Variants in PTPRQ observed in about 807,000 individuals in gnomAD.
The protein encoded by PTPRQ is protein tyrosine phosphatase receptor type Q, also known as phosphatidylinositol phosphatase PTPRQ.
Under a neutral mutation model 246.0 loss-of-function variants are expected in PTPRQ, and 199 were observed. That is an observed-to-expected ratio of 0.81 (90% confidence interval 0.72 to 0.91). The LOEUF (loss-of-function observed/expected upper bound fraction) is 0.91, where lower values mean the gene tolerates loss of function less well. Ranked by LOEUF, PTPRQ falls within the 40% of genes least tolerant of loss-of-function variation. The pLI is 0.00. For synonymous variants in PTPRQ, 869 were observed against 853.2 expected (o/e 1.02, Z -0.32); for missense variants, 2,624 against 2,528.4 (o/e 1.04, Z -0.81).
At chr12:80,607,664 A>G (rs1898377918) in intron 27 of PTPRQ, among the ~76,000 whole-genome samples, 1 of 150,950 alleles carries the variant, frequency 6.6e-6, no homozygotes, top group Non-Finnish European at 1.5e-5. Flanking sequence ...GGAAGAATAC[A>G]TAGCATTGCA....
chr12:80,540,153 A>T (rs372223151), intron 20 of PTPRQ, among the ~76,000 whole-genome samples: 1 of 152,168 alleles, frequency 6.6e-6, no homozygotes, highest in African/African-American at 2.4e-5. Flanking sequence ...GTTCATGAAA[A>T]TTCTGTTCTT....
intron 3 of PTPRQ, among the ~76,000 whole-genome samples, chr12:80,447,942 A>G (rs929059881): frequency 6.6e-6 from 1 of 151,254 alleles, no homozygotes; most frequent in Non-Finnish European, 1.5e-5. Context: ...GAAAAATTAC[A>G]TTGCTAATTT....
At chr12:80,454,820 G>A (rs770799272) in intron 3 of PTPRQ, among the ~76,000 whole-genome samples, 9 of 152,112 alleles carry the variant, frequency 5.9e-5, no homozygotes, top group South Asian at 2.1e-4. Context: ...TTATAAAGGC[G>A]AAATTATTTA....
chr12:80,672,862 T>G (rs997761024), intron 42 of PTPRQ, among the ~76,000 whole-genome samples: 1 of 151,682 alleles, frequency 6.6e-6, no homozygotes, highest in African/African-American at 2.4e-5. Flanking sequence ...GAATTTTCAA[T>G]GATTTTAAAA....
intron 30 of PTPRQ, among the ~76,000 whole-genome samples, chr12:80,617,202 G>T (rs1286119823): frequency 6.6e-6 from 1 of 150,974 alleles, no homozygotes; most frequent in African/African-American, 2.4e-5. Flanking sequence ...CCTGAAAAAT[G>T]GAGATAATAC....
intron 8 of PTPRQ, among the ~76,000 whole-genome samples, chr12:80,482,397 T>C (rs1391526023): frequency 6.6e-6 from 1 of 152,222 alleles, no homozygotes; most frequent in African/African-American, 2.4e-5. Context: ...AAGACTTAAA[T>C]GTCAGACCTA....
At chr12:80,649,495 T>C in intron 36 of PTPRQ, 93 bp from the exon 37 acceptor site, 5 of 1,452,976 alleles carry the variant, frequency 3.4e-6, no homozygotes, top group Non-Finnish European at 3.6e-6. Flanking sequence ...TGTCCATTGT[T>C]CTTTAACTTG....
At chr12:80,658,365 G>T (rs1364617819) in intron 39 of PTPRQ, among the ~76,000 whole-genome samples, 2 of 151,958 alleles carry the variant, frequency 1.3e-5, no homozygotes, top group Non-Finnish European at 2.9e-5. Flanking sequence ...ATGCAATGAA[G>T]TTTGCCAATC....
intron 6 of PTPRQ, among the ~76,000 whole-genome samples, chr12:80,468,498 T>C (rs1476396561): frequency 1.3e-5 from 2 of 152,174 alleles, no homozygotes; most frequent in Admixed American, 1.3e-4. Context: ...AAATCAGTAA[T>C]TGTTAAAAAT....
At chr12:80,490,669 C>G (rs74110910) in intron 9 of PTPRQ, among the ~76,000 whole-genome samples, 1 of 151,806 alleles carries the variant, frequency 6.6e-6, no homozygotes, top group Non-Finnish European at 1.5e-5. Flanking sequence ...GGACAGCCTC[C>G]GCAACAGAAA....
chr12:80,486,977 G>A (rs1894297442), intron 9 of PTPRQ, among the ~76,000 whole-genome samples: 1 of 152,102 alleles, frequency 6.6e-6, no homozygotes, highest in East Asian at 1.9e-4. Flanking sequence ...AAAAATGAAA[G>A]TTCAAAAAGC....
intron 26 of PTPRQ, 103 bp downstream of exon 26, chr12:80,588,555 C>A (rs1897692924): frequency 8.2e-7 from 1 of 1,217,488 alleles, no homozygotes; most frequent in Non-Finnish European, 1.0e-6. Flanking sequence ...AATCACTGAA[C>A]ATAGAAATAA....
At position 80,472,315 on chromosome 12, in the gene PTPRQ, A is replaced by T. The variant is rs189988624; in HGVS notation, c.1186+64A>T. 1.7e-4 allele frequency: 255 copies of T among 1,523,546 alleles called. 1 individual carries two copies. The East Asian group carries it at 6.1e-3, about 36-fold the overall frequency. 94.4% of individuals were successfully genotyped at this position (1,523,546 alleles called of 1,614,324 possible). A position where few individuals can be genotyped will look rare whatever the true frequency, so the allele number is the denominator to read the frequency against. The stretch of plus-strand genomic sequence containing the variant: ...CTTATGAACTTCATGAATTGGTAAA[A>T]CATGATATTAGAAGCAATTTGTTTT... On this transcript the variant is annotated intron_variant, in intron 8 of 44. Coordinates refer to ENST00000644991, the MANE Select transcript of PTPRQ (RefSeq NM_001145026.2).
intron 9 of PTPRQ, among the ~76,000 whole-genome samples, chr12:80,488,954 A>G (rs1165284616): frequency 6.6e-6 from 1 of 152,080 alleles, no homozygotes; most frequent in Non-Finnish European, 1.5e-5. Context: ...TATCTGATCT[A>G]TAACATTCCT....
chr12:80,447,443 T>C (rs1385352870), intron 3 of PTPRQ, among the ~76,000 whole-genome samples: 1 of 152,112 alleles, frequency 6.6e-6, no homozygotes, highest in Non-Finnish European at 1.5e-5. Flanking sequence ...TTGCATTTGC[T>C]TTTGATGTCT....
Position 80,534,883 on chromosome 12 carries a change from G to C in PTPRQ, c.2840-9G>C, listed in dbSNP as rs1024573294. 5 of 1,543,344 alleles carry C rather than the reference G, an allele frequency of 3.2e-6. No homozygotes were observed. The African/African-American group carries it at 6.9e-5, about 21-fold the overall frequency. On this transcript the variant is annotated splice_polypyrimidine_tract_variant and intron_variant, in intron 18 of 44. Coordinates refer to ENST00000644991, the MANE Select transcript of PTPRQ (RefSeq NM_001145026.2). Reference sequence around the variant, plus strand: ...AATACAGTAATTTGTTCAATTATTTGTTTTATAGCACCAAGCGATCCTCCC... The same window carrying C: ...AATACAGTAATTTGTTCAATTATTTCTTTTATAGCACCAAGCGATCCTCCC...
At chr12:80,637,778 T>C (rs1463471330) in intron 35 of PTPRQ, among the ~76,000 whole-genome samples, 1 of 152,194 alleles carries the variant, frequency 6.6e-6, no homozygotes, top group Non-Finnish European at 1.5e-5. Context: ...TCCTGTCATT[T>C]GGTGAAGCTC....
chr12:80,482,800 G>C (rs1219368589), intron 8 of PTPRQ, among the ~76,000 whole-genome samples: 2 of 149,054 alleles, frequency 1.3e-5, no homozygotes, highest in Non-Finnish European at 3.0e-5. Context: ...GGCCATCAGA[G>C]AAATGCAAAT....
intron 25 of PTPRQ, among the ~76,000 whole-genome samples, chr12:80,578,713 A>G (rs1052560358): frequency 1.3e-5 from 2 of 152,186 alleles, no homozygotes; most frequent in South Asian, 2.1e-4. Flanking sequence ...AAAATTAAAC[A>G]TACTTAGTAT....
Sources: gnomAD v4.1 joint callset for allele counts (sites outside exome capture counted in the v4.1 genomes callset) on GRCh38, gnomAD v4.1.1 for gene constraint, MANE v1.5 for transcripts, NCBI Gene and HGNC (gene_info 2026-07-23, HGNC 2026-07-21) for gene names.